Variants in MAU2 observed in about 807,000 individuals in gnomAD.
The protein encoded by MAU2 is MAU2 chromatid cohesion factor homolog.
MAU2 carries 9 observed loss-of-function variants against 89.1 expected under a neutral mutation model. The ratio of observed to expected loss-of-function variants is 0.10; its 90% CI spans 0.06 to 0.18. MAU2 has a LOEUF of 0.18. MAU2 is among the 10% of genes least tolerant of loss of function. MAU2 has a pLI of 1.00. For synonymous variants in MAU2, 357 were observed against 343.4 expected, an observed-to-expected ratio of 1.04 and a Z score of -0.44; for missense variants, 425 against 803.5, an observed-to-expected ratio of 0.53 and a Z score of 5.69.
intron 1 of MAU2, among the ~76,000 whole-genome samples, chr19:19,332,079 C>T (rs902556883): frequency 2.0e-5 from 3 of 152,322 alleles, no homozygotes; most frequent in South Asian, 2.1e-4. Context: ...AGCCATCGTT[C>T]GATCAGCAGA....
chr19:19,323,552 G>C (rs765429890), intron 1 of MAU2, among the ~76,000 whole-genome samples: 7 of 152,012 alleles, frequency 4.6e-5, no homozygotes, highest in Non-Finnish European at 8.8e-5. Context: ...CATCACCCCG[G>C]CTGGGGTGCA....
At position 19,337,277 on chromosome 19, in the gene MAU2, G is replaced by A. The variant is rs1444305823; in HGVS notation, c.456+12G>A. 14 of 1,610,066 alleles carry A rather than the reference G, an allele frequency of 8.7e-6. No homozygotes were observed. Among genetic ancestry groups the A allele is most frequent in the African/African-American group, 2.7e-5 (2 of 74,864 alleles). On this transcript the variant is annotated intron_variant, in intron 4 of 18. Coordinates refer to ENST00000262815, the MANE Select transcript of MAU2 (RefSeq NM_015329.4). The stretch of plus-strand genomic sequence containing the variant: ...TCTTCCAGCTCGCTGTGAGTACCGC[G>A]GCCCGGGAACGAGGGTGCCCGGCAG...
In MAU2 at chr19:19,343,875, A is replaced by G; in HGVS notation, c.1012A>G (p.Ile338Val). The G allele has an allele frequency of 6.2e-7, 1 of 1,613,656 alleles. No homozygotes were observed. Among genetic ancestry groups the G allele is most frequent in the South Asian group, 1.1e-5 (1 of 91,088 alleles). ...CCCCATCCTGTCATCCTTCCAAGTG[A>G]TCCTGCTGGAGCACATCATCATGTG... ...CSPILSSFQV[I>V]LLEHIIMCRL... Residue 338 changes from isoleucine to valine, a missense_variant, in exon 10 of 19, where the codon ATC (isoleucine) becomes GTC (valine). Around this residue, in one of 11 missense-constraint regions of MAU2, gnomAD observed 39 missense variants for 56.3 expected, o/e 0.69. Coordinates refer to ENST00000262815, the MANE Select transcript of MAU2 (RefSeq NM_015329.4).
intron 1 of MAU2, among the ~76,000 whole-genome samples, chr19:19,331,015 T>A (rs1175863866): frequency 1.3e-5 from 2 of 152,108 alleles, no homozygotes; most frequent in African/African-American, 4.8e-5. Context: ...TCTGGACCCT[T>A]CCACCCCACT....
At chr19:19,341,577 G>A (rs971972532) in intron 7 of MAU2, among the ~76,000 whole-genome samples, 170 bp downstream of exon 7, 2 of 152,168 alleles carry the variant, frequency 1.3e-5, no homozygotes, top group Non-Finnish European at 2.9e-5. Flanking sequence ...GCTCTGCCAC[G>A]AGTGCTGGTA....
intron 1 of MAU2, among the ~76,000 whole-genome samples, chr19:19,332,815 G>A (rs552634335): frequency 1.1e-4 from 16 of 152,292 alleles, no homozygotes; most frequent in Non-Finnish European, 1.9e-4. Flanking sequence ...TGCGGCTCAC[G>A]CCTGTAATCC....
Position 19,342,681 on chromosome 19 carries a change from G to C in MAU2, c.882G>C (p.Leu294=). ...AGCACATGTGTGTGCTTGTCTACCT[G>C]GTGCGTCCCCACCAGGGCCCGGGCC... ...PKEHMCVLVY[L]VTVMHSMQAG... is the part of the protein sequence containing the mutation. The change falls in exon 8 of 19, where the codon CTG becomes CTC. Residue 294 remains leucine, a splice_region_variant and synonymous_variant. Transcript: ENST00000262815. 1 of 1,613,066 alleles carries C rather than the reference G, an allele frequency of 6.2e-7. No individual in the cohort carries two copies. Among genetic ancestry groups the C allele is most frequent in the Non-Finnish European group, 8.5e-7 (1 of 1,179,538 alleles).
chr19:19,353,964 C>G, intron 16 of MAU2: 1 of 240,542 alleles, frequency 4.2e-6, no homozygotes, highest in South Asian at 5.5e-5. Context: ...GAAGACAAAC[C>G]GGAGGGGCTG....
intron 5 of MAU2, chr19:19,339,671 G>A (rs575624036): frequency 1.3e-5 from 2 of 151,882 alleles, no homozygotes; most frequent in African/African-American, 4.8e-5. Flanking sequence ...ATAGGCATGA[G>A]CCATTGCACC....
At chr19:19,330,199 C>G (rs777341768) in intron 1 of MAU2, among the ~76,000 whole-genome samples, 3 of 151,634 alleles carry the variant, frequency 2.0e-5, no homozygotes, top group Non-Finnish European at 4.4e-5. Context: ...AGGTTGGTCT[C>G]AAACTCCTGA....
chr19:19,335,594 T>C (rs1287441391), intron 1 of MAU2, 124 bp from the exon 2 acceptor site: 12 of 962,660 alleles, frequency 1.2e-5, no homozygotes, highest in Admixed American at 5.6e-5. Context: ...CGGGCCGCCT[T>C]CTTGTTACCT....
At chr19:19,333,737 C>T (rs1279448153) in intron 1 of MAU2, among the ~76,000 whole-genome samples, 2 of 152,194 alleles carry the variant, frequency 1.3e-5, no homozygotes, top group African/African-American at 2.4e-5. Flanking sequence ...GGGGAATTCA[C>T]GTGTTGACTG....
intron 17 of MAU2, 44 bp from the exon 18 acceptor site, chr19:19,355,220 G>C (rs1382751687): frequency 6.2e-7 from 1 of 1,612,164 alleles, no homozygotes; most frequent in Non-Finnish European, 8.5e-7. Flanking sequence ...GGCCTGGGCA[G>C]TGACAGGGCA....
intron 1 of MAU2, among the ~76,000 whole-genome samples, chr19:19,326,861 C>T (rs978360443): frequency 6.7e-6 from 1 of 150,238 alleles, no homozygotes; most frequent in African/African-American, 2.4e-5. Context: ...CACTGCACTC[C>T]ACCCTGGACA....
intron 8 of MAU2, 41 bp from the exon 9 acceptor site, chr19:19,342,735 A>G (rs1469004032): frequency 6.8e-6 from 11 of 1,613,554 alleles, no homozygotes; most frequent in Non-Finnish European, 9.3e-6. Flanking sequence ...AGGGAGAGGG[A>G]GAGGGCCCTG....
intron 12 of MAU2, among the ~76,000 whole-genome samples, chr19:19,346,120 G>A (rs1421664504): frequency 6.6e-6 from 1 of 152,126 alleles, no homozygotes; most frequent in East Asian, 1.9e-4. Flanking sequence ...GCACCCCGCA[G>A]GCCTGTGGGT....
chr19:19,339,146 C>T (rs1320342871), intron 5 of MAU2, among the ~76,000 whole-genome samples: 1 of 152,148 alleles, frequency 6.6e-6, no homozygotes, highest in Non-Finnish European at 1.5e-5. Flanking sequence ...AACCCCATCT[C>T]CACAAAAAAT....
intron 1 of MAU2, 97 bp from the exon 2 acceptor site, chr19:19,335,621 C>G (rs1190152375): frequency 1.3e-5 from 17 of 1,277,058 alleles, no homozygotes; most frequent in Middle Eastern, 1.8e-4. Context: ...CTGGCAGCCT[C>G]TGTTCTCAGG....
intron 1 of MAU2, among the ~76,000 whole-genome samples, chr19:19,328,015 G>A (rs887045437): frequency 2.0e-5 from 3 of 151,844 alleles, no homozygotes; most frequent in African/African-American, 4.8e-5. Flanking sequence ...GAAAATTAGC[G>A]GGCCCGTGGT....
Sources: gnomAD v4.1 joint callset for allele counts (sites outside exome capture counted in the v4.1 genomes callset) on GRCh38, gnomAD v4.1.1 for gene constraint, gnomAD v4.1.1 regional missense constraint, MANE v1.5 for transcripts, NCBI Gene and HGNC (gene_info 2026-07-23, HGNC 2026-07-21) for gene names.